The following MUC4 variants were observed in gnomAD, a reference collection of about 807,000 sequenced individuals.
MUC4 encodes the protein mucin-4.
MUC4 carries 202 observed loss-of-function variants against 257.9 expected under a neutral mutation model. The observed-to-expected ratio is 0.78, with a 90% CI of 0.70 to 0.88. The LOEUF is 0.88. Among genes scored for constraint, MUC4 ranks in the 40% least tolerant of loss-of-function variants. MUC4 has a pLI of 0.00. For synonymous variants in MUC4, 2,351 were observed against 2,757.1 expected, an observed-to-expected ratio of 0.85 and a Z score of 4.62; for missense variants, 5,976 against 6,513.7, an observed-to-expected ratio of 0.92 and a Z score of 2.84.
chr3:195,747,399 A>G lies in MUC4; in HGVS notation c.16035-19T>C. The G allele has an allele frequency of 6.2e-7, 1 of 1,612,090 alleles. No homozygotes were observed. Among genetic ancestry groups the G allele is most frequent in the Non-Finnish European group, 8.5e-7 (1 of 1,178,596 alleles). On this transcript the variant is annotated intron_variant, in intron 24 of 24. Transcript: ENST00000463781. ...CACACAGCTGGTGACCAAGAGAGAC[A>G]GACAGGCGGTCAGAGGCGGGAGCTC...
At chr3:195,747,497 CGGA>C in intron 24 of MUC4, 117 bp from the exon 25 acceptor site, 1 of 1,211,694 alleles carries the variant, frequency 8.3e-7, no homozygotes, top group African/African-American at 1.5e-5. Flanking sequence ...CCCCACTCTC[CGGA>C]GAGACTGAGT....
Position 195,770,350 on chromosome 3 carries a change from C to T in MUC4, c.13264G>A (p.Glu4422Lys). 6.2e-7 allele frequency: 1 copy of T among 1,613,884 alleles called. No homozygotes were observed. The highest frequency in any genetic ancestry group is 1.1e-5 in the South Asian group (1 of 91,062). Reference protein sequence around the residue: ...FYQEYETFYGEHSLLVQQAES... With the variant: ...FYQEYETFYGKHSLLVQQAES... The stretch of plus-strand genomic sequence containing the variant: ...GCCTGCTGGACTAGCAGGCTGTGTT[C>T]ACCATAGAACGTCTCGTATTCCTAG... Residue 4422 changes from glutamate (E) to lysine (K), a missense_variant, in exon 6 of 25, where the codon GAA becomes AAA. Physicochemically the swap from Glu to Lys is moderately conservative, Grantham distance 56. Coordinates refer to ENST00000463781, the MANE Select transcript of MUC4 (RefSeq NM_018406.7).
intron 4 of MUC4, among the ~76,000 whole-genome samples, chr3:195,772,914 G>GCTCAGGGCTA: frequency 3.0e-5 from 4 of 134,672 alleles, no homozygotes; most frequent in Admixed American, 1.5e-4. Context: ...GCTCAGGGGT[G>GCTCAGGGCTA]TAGACACCCT....
intron 12 of MUC4, 36 bp from the exon 13 acceptor site, chr3:195,762,981 G>T: frequency 2.0e-6 from 3 of 1,466,212 alleles, no homozygotes; most frequent in Non-Finnish European, 1.9e-6. Flanking sequence ...AGCCCGACCC[G>T]CAGGTGGAGC....
chr3:195,753,265 C>G, intron 19 of MUC4, 35 bp from the exon 20 acceptor site: 1 of 1,603,214 alleles, frequency 6.2e-7, no homozygotes, highest in South Asian at 1.1e-5. Flanking sequence ...CAGCAGCGCG[C>G]AGGGCAGCAG....
intron 7 of MUC4, among the ~76,000 whole-genome samples, chr3:195,767,829 C>T (rs1453112339): frequency 1.1e-4 from 13 of 115,420 alleles, no homozygotes; most frequent in South Asian, 5.7e-4. Flanking sequence ...ACCACCACCA[C>T]CATCACCACC....
At chr3:195,767,739 TCAC>T (rs1371859288) in intron 7 of MUC4, among the ~76,000 whole-genome samples, 747 of 3,140 alleles carry the variant, frequency 0.24, 47 homozygotes, top group Middle Eastern at 0.5. Flanking sequence ...ACCACCACCA[TCAC>T]CATCGCCACC....
chr3:195,752,413 C>T lies in MUC4; in HGVS notation c.15542G>A (p.Ser5181Asn). The T allele has an allele frequency of 1.2e-6, 2 of 1,614,120 alleles. No homozygotes were observed. Among genetic ancestry groups the T allele is most frequent in the Non-Finnish European group, 1.7e-6 (2 of 1,179,916 alleles). ...TGCCATGGAGGCATTTTCCTCTTCA[C>T]TGAGCAAGAGCTGGATGACTCTTAA... ...LPLRVIQLLL[S>N]EEENASMAEV... The change falls in exon 21 of 25, where the codon AGT (serine) becomes AAT (asparagine). Residue 5181 changes from serine to asparagine, a missense_variant. Around this residue, in one of 44 missense-constraint regions of MUC4, gnomAD observed 996 missense variants for 1,137.3 expected, o/e 0.88. Transcript: ENST00000463781.
Position 195,786,561 on chromosome 3 carries a change from TGCTGAGG to T in MUC4, c.5012_5018del (p.Ser1671TyrfsTer1331). ...GAAGAGGGGTGGCGTGACCGGTGGA[TGCTGAGG>T]AAGTGCTGGTGACAGGAAGAGGGGT... On this transcript the variant is annotated frameshift_variant, in exon 2 of 25. Transcript: ENST00000463781. LOFTEE classifies it high-confidence loss of function. 6.6e-7 allele frequency: 1 copy of T among 1,515,584 alleles called. No individual in the cohort carries two copies. The highest frequency in any genetic ancestry group is 2.0e-5 in the Admixed American group (1 of 49,178). 93.9% of individuals were successfully genotyped at this position (1,515,584 alleles called of 1,614,324 possible). A position where few individuals can be genotyped will look rare whatever the true frequency, so the allele number is the denominator to read the frequency against.
chr3:195,803,060 C>CG, intron 1 of MUC4, among the ~76,000 whole-genome samples: 1 of 152,268 alleles, frequency 6.6e-6, no homozygotes, highest in Admixed American at 6.5e-5. Flanking sequence ...TGTATATACT[C>CG]CCTTCCATTT....
intron 10 of MUC4, among the ~76,000 whole-genome samples, chr3:195,764,678 TCA>T (rs1210799494): frequency 6.6e-6 from 1 of 151,908 alleles, no homozygotes; most frequent in Non-Finnish European, 1.5e-5. Context: ...GAGCTGACTC[TCA>T]GTCTTCCCCC....
intron 1 of MUC4, 47 bp downstream of exon 1, chr3:195,811,689 C>G: frequency 1.9e-6 from 3 of 1,585,546 alleles, no homozygotes; most frequent in Non-Finnish European, 2.6e-6. Context: ...CCCACCTCCC[C>G]CAAGTGCTCC....
At chr3:195,793,508 A>AT (rs925715386) in intron 1 of MUC4, among the ~76,000 whole-genome samples, 12 of 139,136 alleles carry the variant, frequency 8.6e-5, no homozygotes, top group African/African-American at 1.1e-4. Flanking sequence ...TCTCAAAAAA[A>AT]AAATAAATAA....
chr3:195,761,002 G>T lies in MUC4; in HGVS notation c.14730C>A (p.Ile4910=). Residue 4910 remains isoleucine, a synonymous_variant, in exon 16 of 25, where the codon ATC becomes ATA. Transcript: ENST00000463781. ...ATGAGCTATCTCCGTCACAGTTGGA[G>T]ATCAAATGTTCAGCCCAGGAGCTGT... ...QKNSSWAEHL[I]SNCDGDSSCI... 4 of 1,614,220 alleles carry T rather than the reference G, an allele frequency of 2.5e-6. No homozygotes were observed. The highest frequency in any genetic ancestry group is 3.4e-6 in the Non-Finnish European group (4 of 1,180,024).
rs1560266256 is a variant in MUC4 at position 195,767,889 on chromosome 3, C to CCATCGCCACCATCACCACCACCAT, written c.13529+1132_13529+1133insATGGTGGTGGTGATGGTGGCGATG. On this transcript the variant is annotated intron_variant, in intron 7 of 24. Transcript: ENST00000463781. ...AACACCACCACCATCACCACCATCACCACCACCATCACCACCATCACCATC... is the reference window on the plus strand; with the variant it reads ...AACACCACCACCATCACCACCATCACCATCGCCACCATCACCACCACCATCACCACCATCACCACCATCACCATC... Among the ~76,000 whole-genome samples the CCATCGCCACCATCACCACCACCAT allele has an allele frequency of 2.7e-3, 385 of 142,034 alleles. 6 individuals carry two copies. Among genetic ancestry groups the CCATCGCCACCATCACCACCACCAT allele is most frequent in the African/African-American group, 0.011 (367 of 33,818 alleles). 93.2% of individuals were successfully genotyped at this position (142,034 alleles called of 152,430 possible).
chr3:195,781,055 C>G lies in MUC4; in HGVS notation c.10525G>C (p.Gly3509Arg), dbSNP rs200059700. Residue 3509 changes from glycine (G) to arginine (R), a missense_variant, in exon 2 of 25, where the codon GGC becomes CGC. Physicochemically the swap from Gly to Arg is moderately radical, Grantham distance 125. Coordinates refer to ENST00000463781, the MANE Select transcript of MUC4 (RefSeq NM_018406.7). The part of the protein sequence containing the change: ...TGDTSTLPVT[G>R]ASSASTGHAT... The stretch of plus-strand genomic sequence containing the variant: ...TGACCGGTGGATGCTGAGGAAGCGC[C>G]GGTGACAGGAAGAGTGCTGGTGTCA... 8.3e-6 allele frequency: 12 copies of G among 1,440,192 alleles called. 2 individuals carry two copies. The highest frequency in any genetic ancestry group is 4.0e-5 in the African/African-American group (2 of 50,258). The allele number at this position is 1,440,192 out of a possible 1,614,324, so 89.2% of individuals were successfully genotyped here.
chr3:195,790,299 G>A lies in MUC4; in HGVS notation c.1281C>T (p.Thr427=), dbSNP rs373429618. The part of the protein sequence containing the change: ...TISAITSKVS[T]IWWSDTLSTA... ...TTGACAGAGTGTCTGACCACCATAT[G>A]GTTGAAACTTTGGAAGTGATTGCAG... Residue 427 remains threonine, a synonymous_variant, in exon 2 of 25, where the codon ACC becomes ACT. Coordinates refer to ENST00000463781, the MANE Select transcript of MUC4 (RefSeq NM_018406.7). 22 of 1,613,798 alleles carry A rather than the reference G, an allele frequency of 1.4e-5. No individual in the cohort carries two copies. The African/African-American group carries it at 2.8e-4, about 21-fold the overall frequency.
intron 7 of MUC4, among the ~76,000 whole-genome samples, chr3:195,767,913 T>TCACCACCACCAC (rs1560266565): frequency 9.1e-6 from 1 of 110,284 alleles, no homozygotes; most frequent in Non-Finnish European, 1.9e-5. Flanking sequence ...ACCATCACCA[T>TCACCACCACCAC]CGCCACTGCC....
chr3:195,790,111 G>A lies in MUC4; in HGVS notation c.1469C>T (p.Ser490Phe), dbSNP rs189561765. 1.7e-4 allele frequency: 273 copies of A among 1,613,970 alleles called. 1 individual carries two copies. The African/African-American group carries it at 3.2e-3, about 19-fold the overall frequency. The stretch of plus-strand genomic sequence containing the variant: ...TGTGTGGCCTTTGCTGGAGAATGAG[G>A]AAGGCCATGTTGTTGTTTCATGTAG... ...FTLHETTTWP[S>F]SFSSKGHTTW... The change falls in exon 2 of 25, where the codon TCC (serine) becomes TTC (phenylalanine). Residue 490 changes from serine to phenylalanine, a missense_variant. This residue lies in a region of MUC4 where 1,583 missense variants were observed against 1,257.4 expected (regional missense o/e 1.26). Coordinates refer to ENST00000463781, the MANE Select transcript of MUC4 (RefSeq NM_018406.7).
Sources: allele counts gnomAD v4.1 joint callset (sites outside exome capture counted in the v4.1 genomes callset), GRCh38; gene constraint gnomAD v4.1.1; regional missense constraint gnomAD v4.1.1; transcripts MANE v1.5; gene names NCBI Gene and HGNC (gene_info 2026-07-23, HGNC 2026-07-21).